GRIA3: variants seen among roughly 807,000 people sequenced by gnomAD.
GRIA3 encodes the protein glutamate ionotropic receptor AMPA type subunit 3, also known as glutamate receptor 3.
In GRIA3, 3 loss-of-function variants were observed where a neutral mutation model predicts 63.0. The ratio of observed to expected loss-of-function variants is 0.05; its 90% CI spans 0.02 to 0.12. The LOEUF (loss-of-function observed/expected upper bound fraction) is 0.12, where lower values mean the gene tolerates loss of function less well. Among genes scored for constraint, GRIA3 ranks in the 10% least tolerant of loss-of-function variants. GRIA3 has a pLI of 1.00. For synonymous variants in GRIA3, 274 were observed against 257.9 expected (o/e 1.06, Z -0.60); for missense variants, 347 against 700.9 (o/e 0.50, Z 5.70).
At chrX:123,218,111 T>C (rs1928204783) in intron 2 of GRIA3, among the ~76,000 whole-genome samples, 1 of 112,430 alleles carries the variant, frequency 8.9e-6, no homozygotes, top group African/African-American at 3.2e-5. Context: ...GTTCCAAAGA[T>C]GCTAAATAAG....
intron 10 of GRIA3, among the ~76,000 whole-genome samples, chrX:123,416,636 G>A (rs756089907): frequency 8.8e-6 from 1 of 113,043 alleles, no homozygotes; most frequent in Admixed American, 9.3e-5. Context: ...CCATGTGAGT[G>A]CTACACTGAT....
At chrX:123,417,027 G>C (rs1010534625) in intron 10 of GRIA3, among the ~76,000 whole-genome samples, 1 of 112,132 alleles carries the variant, frequency 8.9e-6, no homozygotes, top group Non-Finnish European at 1.9e-5. Context: ...TCAAGTGAGG[G>C]AGATAAGACA....
chrX:123,233,858 C>T (rs1040857954), intron 2 of GRIA3, among the ~76,000 whole-genome samples: 2 of 111,332 alleles, frequency 1.8e-5, no homozygotes, highest in African/African-American at 3.3e-5. Flanking sequence ...GAAGTATTAG[C>T]TATATAAAGC....
intron 12 of GRIA3, among the ~76,000 whole-genome samples, chrX:123,452,893 C>A: frequency 9.0e-6 from 1 of 111,306 alleles, no homozygotes; most frequent in Non-Finnish European, 1.9e-5. Context: ...TCTTTGTGAC[C>A]CATTCTCTGT....
chrX:123,190,391 A>G (rs1470801991), intron 2 of GRIA3, among the ~76,000 whole-genome samples: 2 of 111,099 alleles, frequency 1.8e-5, no homozygotes, highest in Non-Finnish European at 3.8e-5. Context: ...TAGTGGTGCC[A>G]GTCAAAAAAT....
intron 2 of GRIA3, among the ~76,000 whole-genome samples, chrX:123,250,509 C>T (rs2044383103): frequency 9.0e-6 from 1 of 111,636 alleles, no homozygotes; most frequent in Non-Finnish European, 1.9e-5. Flanking sequence ...TCAATTATTG[C>T]CCATAATCTA....
chrX:123,474,985 A>T (rs2045880582), intron 13 of GRIA3, among the ~76,000 whole-genome samples: 1 of 111,950 alleles, frequency 8.9e-6, no homozygotes, highest in Admixed American at 9.5e-5. Context: ...TTCTTCAAAA[A>T]ATGAACTCAT....
At chrX:123,315,154 G>A (rs2044823010) in intron 3 of GRIA3, among the ~76,000 whole-genome samples, 5 of 111,640 alleles carry the variant, frequency 4.5e-5, no homozygotes, top group Non-Finnish European at 9.4e-5. Flanking sequence ...GCAGCTGCAA[G>A]GAGAAGAAGA....
chrX:123,263,389 C>T (rs1023756307), intron 3 of GRIA3, among the ~76,000 whole-genome samples: 1 of 112,321 alleles, frequency 8.9e-6, no homozygotes, highest in African/African-American at 3.2e-5. Context: ...TTGCCAGTGT[C>T]GGCTGCTGTC....
At chrX:123,312,875 G>A (rs1239274196) in intron 3 of GRIA3, among the ~76,000 whole-genome samples, 1 of 111,949 alleles carries the variant, frequency 8.9e-6, no homozygotes, top group Non-Finnish European at 1.9e-5. Context: ...GTCAAGTTTG[G>A]GATCTATCAT....
At chrX:123,322,575 T>C (rs2044875340) in intron 3 of GRIA3, among the ~76,000 whole-genome samples, 1 of 111,167 alleles carries the variant, frequency 9.0e-6, no homozygotes, top group South Asian at 3.8e-4. Flanking sequence ...TCTTTTTTTT[T>C]CTCCCTCAAG....
intron 3 of GRIA3, among the ~76,000 whole-genome samples, chrX:123,276,127 C>T (rs1391001079): frequency 8.9e-6 from 1 of 111,977 alleles, no homozygotes; most frequent in Admixed American, 9.5e-5. Context: ...TTGCTCCATC[C>T]ACTATCCAAG....
At chrX:123,380,285 C>G (rs1421662241) in intron 5 of GRIA3, among the ~76,000 whole-genome samples, 2 of 111,971 alleles carry the variant, frequency 1.8e-5, no homozygotes, top group African/African-American at 6.5e-5. Flanking sequence ...TCCTATTTCT[C>G]CACATCCTCT....
intron 5 of GRIA3, among the ~76,000 whole-genome samples, chrX:123,365,707 T>G (rs1312634368): frequency 8.9e-6 from 1 of 112,043 alleles, no homozygotes; most frequent in Non-Finnish European, 1.9e-5. Flanking sequence ...CAAAATCACC[T>G]GTTGAATTAG....
At chrX:123,467,133 C>T (rs2045838331) in intron 13 of GRIA3, among the ~76,000 whole-genome samples, 1 of 112,017 alleles carries the variant, frequency 8.9e-6, no homozygotes. Flanking sequence ...GAGAAAGCAG[C>T]AATAGTATTC....
At chrX:123,349,237 C>A in intron 4 of GRIA3, among the ~76,000 whole-genome samples, 1 of 111,928 alleles carries the variant, frequency 8.9e-6, no homozygotes, top group Non-Finnish European at 1.9e-5. Flanking sequence ...TGAAGTGTTC[C>A]CACAAAGGTC....
intron 2 of GRIA3, among the ~76,000 whole-genome samples, chrX:123,232,149 A>G (rs2044279259): frequency 8.9e-6 from 1 of 112,074 alleles, no homozygotes; most frequent in South Asian, 3.7e-4. Flanking sequence ...TCACATATGT[A>G]TGCAGAAGAT....
rs1196764689 is a variant in GRIA3 at position 123,184,359 on chromosome X, G to C, written c.-177G>C. On this transcript the variant is annotated 5_prime_UTR_variant, in exon 1 of 16. Coordinates refer to ENST00000620443, the MANE Select transcript of GRIA3 (RefSeq NM_007325.5). Reference sequence around the variant, plus strand: ...GGGAGAGAGAAGAAGAGGAAGAAGAGGAGGCGGCGGCAGCGGAGGAGGAGG... The same window carrying C: ...GGGAGAGAGAAGAAGAGGAAGAAGACGAGGCGGCGGCAGCGGAGGAGGAGG... The C allele has an allele frequency of 6.2e-6, 3 of 481,315 alleles. No homozygotes were observed. The highest frequency in any genetic ancestry group is 1.1e-5 in the Non-Finnish European group (3 of 270,755). 39.7% of individuals were successfully genotyped at this position (481,315 alleles called of 1,213,427 possible).
intron 4 of GRIA3, among the ~76,000 whole-genome samples, chrX:123,340,185 T>A (rs1288546853): frequency 2.7e-5 from 3 of 112,427 alleles, no homozygotes; most frequent in Non-Finnish European, 5.6e-5. Flanking sequence ...CCATTTCACA[T>A]CCCACCCAAC....
Sources: allele counts gnomAD v4.1 joint callset (sites outside exome capture counted in the v4.1 genomes callset), GRCh38; gene constraint gnomAD v4.1.1; transcripts MANE v1.5; gene names NCBI Gene and HGNC (gene_info 2026-07-23, HGNC 2026-07-21).